KDM5B: variants seen among roughly 807,000 people sequenced by gnomAD.
The protein encoded by KDM5B is lysine-specific demethylase 5B.
In KDM5B, 144 loss-of-function variants were observed where a neutral mutation model predicts 193.4. The observed-to-expected ratio is 0.74, with a 90% CI of 0.65 to 0.86. KDM5B has a LOEUF of 0.86. KDM5B is among the 40% of genes least tolerant of loss of function. The pLI, the probability that KDM5B is intolerant of heterozygous loss-of-function variation, is 0.00. For synonymous variants in KDM5B, 668 were observed against 682.6 expected (o/e 0.98, Z 0.33); for missense variants, 1,833 against 1,886.9 (o/e 0.97, Z 0.53).
rs1658293892 is a variant in KDM5B, at chr1:202,806,372, T to A, written c.204+1730A>T. On this transcript the variant is annotated intron_variant, in intron 1 of 26. Transcript: ENST00000367265. ...TATTCACCCTTCCTAGCATGTGACA[T>A]GAAGCTACATTACTACAGTGTGAAA... is the stretch of plus-strand genomic sequence containing the variant. The A allele has an allele frequency of 2.6e-5, 4 of 152,184 alleles. No homozygotes were observed. The South Asian group carries it at 8.3e-4, about 31-fold the overall frequency. 9.4% of individuals were successfully genotyped at this position (152,184 alleles called of 1,614,324 possible).
At chr1:202,800,749 A>C (rs1411504610) in intron 1 of KDM5B, among the ~76,000 whole-genome samples, 4 of 152,212 alleles carry the variant, frequency 2.6e-5, no homozygotes, top group Admixed American at 2.0e-4. Flanking sequence ...GTTCAGATAA[A>C]GTCTGGCCAA....
At chr1:202,772,521 CTTTAAA>C (rs1656762562) in intron 4 of KDM5B, among the ~76,000 whole-genome samples, 1 of 152,124 alleles carries the variant, frequency 6.6e-6, no homozygotes, top group Non-Finnish European at 1.5e-5. Flanking sequence ...ACTTTAGCTA[CTTTAAA>C]TTTAAAGAGA....
At chr1:202,778,569 A>T (rs949191529) in intron 1 of KDM5B, among the ~76,000 whole-genome samples, 1 of 152,212 alleles carries the variant, frequency 6.6e-6, no homozygotes, top group African/African-American at 2.4e-5. Flanking sequence ...CAATGAAAAA[A>T]GCAAAAAAGG....
intron 18 of KDM5B, among the ~76,000 whole-genome samples, chr1:202,742,073 A>G (rs1655366006): frequency 6.6e-6 from 1 of 151,776 alleles, no homozygotes; most frequent in African/African-American, 2.4e-5. Context: ...ATGGGGTTTC[A>G]CCATATTGGT....
At chr1:202,741,152 ATTATTCATTT>A (rs1655320707) in intron 19 of KDM5B, among the ~76,000 whole-genome samples, 2 of 152,200 alleles carry the variant, frequency 1.3e-5, no homozygotes. Flanking sequence ...GTCCAATTGA[ATTATTCATTT>A]TTAATCAGTA....
At chr1:202,803,301 AT>A (rs1658151205) in intron 1 of KDM5B, among the ~76,000 whole-genome samples, 1 of 152,056 alleles carries the variant, frequency 6.6e-6, no homozygotes, top group South Asian at 2.1e-4. Flanking sequence ...AGGGAAGGAA[AT>A]TTTTCCAGTG....
intron 1 of KDM5B, among the ~76,000 whole-genome samples, chr1:202,781,967 G>A (rs1041347681): frequency 1.3e-5 from 2 of 151,478 alleles, no homozygotes; most frequent in African/African-American, 4.8e-5. Context: ...GTATATTAAA[G>A]TTTTACAAAT....
At chr1:202,785,933 G>T (rs916765198) in intron 1 of KDM5B, among the ~76,000 whole-genome samples, 3 of 151,352 alleles carry the variant, frequency 2.0e-5, no homozygotes, top group South Asian at 4.2e-4. Flanking sequence ...AAAAGTGCCG[G>T]TTTTTCTCAG....
intron 4 of KDM5B, among the ~76,000 whole-genome samples, chr1:202,772,212 G>T (rs564037746): frequency 6.6e-6 from 1 of 152,290 alleles, no homozygotes; most frequent in African/African-American, 2.4e-5. Flanking sequence ...CTCAAAGGGT[G>T]TGAATGGATA....
At chr1:202,781,700 T>C (rs562963887) in intron 1 of KDM5B, among the ~76,000 whole-genome samples, 1 of 152,336 alleles carries the variant, frequency 6.6e-6, no homozygotes, top group South Asian at 2.1e-4. Flanking sequence ...TTGCTTCCAG[T>C]GTGTTATAAA....
At chr1:202,787,820 G>A (rs947825079) in intron 1 of KDM5B, among the ~76,000 whole-genome samples, 10 of 151,922 alleles carry the variant, frequency 6.6e-5, no homozygotes, top group South Asian at 2.1e-4. Flanking sequence ...AACCCGGGAG[G>A]TGGAGGTTGC....
chr1:202,747,310 T>G (rs566870633), intron 14 of KDM5B, among the ~76,000 whole-genome samples: 1 of 152,324 alleles, frequency 6.6e-6, no homozygotes, highest in Admixed American at 6.5e-5. Context: ...ACCAACTCCA[T>G]GGATTTTAAT....
intron 12 of KDM5B, among the ~76,000 whole-genome samples, chr1:202,752,179 A>C (rs148940128): frequency 6.6e-6 from 1 of 152,326 alleles, no homozygotes; most frequent in Non-Finnish European, 1.5e-5. Flanking sequence ...ATTCTCCAAA[A>C]GGAAGCCAGT....
intron 1 of KDM5B, among the ~76,000 whole-genome samples, chr1:202,784,199 T>C (rs554595856): frequency 2.0e-5 from 3 of 152,326 alleles, no homozygotes; most frequent in East Asian, 3.9e-4. Flanking sequence ...AATACTGTTT[T>C]TATCCTTCTA....
At chr1:202,779,798 G>A (rs573704960) in intron 1 of KDM5B, among the ~76,000 whole-genome samples, 8 of 101,944 alleles carry the variant, frequency 7.8e-5, no homozygotes, top group Non-Finnish European at 1.2e-4. Flanking sequence ...GTCAGACTCC[G>A]TCTCAAAAAT....
chr1:202,807,627 C>A lies in KDM5B; in HGVS notation c.204+475G>T, dbSNP rs1658356722. Among the ~76,000 whole-genome samples, 3 of 151,826 alleles carry A rather than the reference C, an allele frequency of 2.0e-5. No homozygotes were observed. The South Asian group carries it at 6.2e-4, about 32-fold the overall frequency. ...CATATTGAAAACTTTCCTCCTCGCA[C>A]GACAACTCGCAAGTCCCCCACCCCC... On this transcript the variant is annotated intron_variant, in intron 1 of 26. Transcript: ENST00000367265.
Position 202,774,611 on chromosome 1 carries a change from A to T in KDM5B, c.405+2T>A. ...TAAGTAAGATGGTCATTAGCTCTTTACCTTATTAAGCTGAAATAAGTCCAA... is the reference window on the plus strand; with the variant it reads ...TAAGTAAGATGGTCATTAGCTCTTTTCCTTATTAAGCTGAAATAAGTCCAA... On this transcript the variant is annotated splice_donor_variant, in intron 3 of 26. Transcript: ENST00000367265. LOFTEE classifies it high-confidence loss of function. The T allele has an allele frequency of 6.2e-7, 1 of 1,608,462 alleles. No individual in the cohort carries two copies. The highest frequency in any genetic ancestry group is 8.5e-7 in the Non-Finnish European group (1 of 1,175,978).
rs776797896 is a variant in KDM5B at position 202,729,007 on chromosome 1, TAAGTAGGGGGGTATC to T, written c.*14_*28del. ...TCTTGGTTGGAGTCCTGAATTACAT[TAAGTAGGGGGGTATC>T]TGTTTTTGTGTTTTTACTTTCGGCT... On this transcript the variant is annotated 3_prime_UTR_variant, in exon 27 of 27. Coordinates refer to ENST00000367265, the MANE Select transcript of KDM5B (RefSeq NM_006618.5). 17 of 1,613,446 alleles carry T rather than the reference TAAGTAGGGGGGTATC, an allele frequency of 1.1e-5. 1 individual carries two copies. The highest frequency in any genetic ancestry group is 1.4e-5 in the Non-Finnish European group (16 of 1,179,608).
chr1:202,782,347 A>G (rs1442265117), intron 1 of KDM5B, among the ~76,000 whole-genome samples: 4 of 152,186 alleles, frequency 2.6e-5, no homozygotes, highest in Admixed American at 6.5e-5. Flanking sequence ...TCTGACCTCA[A>G]TGGGACACGA....
Sources: allele counts gnomAD v4.1 joint callset (sites outside exome capture counted in the v4.1 genomes callset), GRCh38; gene constraint gnomAD v4.1.1; transcripts MANE v1.5; gene names NCBI Gene and HGNC (gene_info 2026-07-23, HGNC 2026-07-21).